The following USP33 variants were observed in gnomAD, a reference collection of about 807,000 sequenced individuals.
USP33 encodes the protein ubiquitin carboxyl-terminal hydrolase 33.
USP33 carries 46 observed loss-of-function variants against 124.2 expected under a neutral mutation model. The observed-to-expected ratio is 0.37, with a 90% CI of 0.29 to 0.47. The LOEUF (loss-of-function observed/expected upper bound fraction) is 0.47, where lower values mean the gene tolerates loss of function less well. Ranked by LOEUF, USP33 falls within the 20% of genes least tolerant of loss-of-function variation. The probability of loss-of-function intolerance (pLI) is 0.99; values close to 1 mark genes in which losing one functional copy is unlikely to be tolerated. For missense variants in USP33, 851 were observed against 1,070.6 expected (o/e 0.79, Z 2.86); for synonymous variants, 350 against 352.3 (o/e 0.99, Z 0.07).
At chr1:77,737,379 A>T (rs1304643226) in intron 5 of USP33, among the ~76,000 whole-genome samples, 1 of 152,262 alleles carries the variant, frequency 6.6e-6, no homozygotes, top group Non-Finnish European at 1.5e-5. Flanking sequence ...TTAAAAAGAT[A>T]CATGCTCACT....
chr1:77,711,722 A>C, intron 21 of USP33, 25 bp downstream of exon 21: 3 of 1,595,918 alleles, frequency 1.9e-6, no homozygotes, highest in Non-Finnish European at 2.6e-6. Context: ...ATCCTAGATC[A>C]ATTTGAAAAG....
At chr1:77,722,341 T>C in intron 12 of USP33, 145 bp from the exon 13 acceptor site, 1 of 762,422 alleles carries the variant, frequency 1.3e-6, no homozygotes, top group South Asian at 2.0e-5. Flanking sequence ...ATTGAACTGC[T>C]TTCATAGTCA....
At chr1:77,743,103 C>T (rs1167129026) in intron 1 of USP33, among the ~76,000 whole-genome samples, 4 of 151,902 alleles carry the variant, frequency 2.6e-5, no homozygotes, top group Non-Finnish European at 5.9e-5. Flanking sequence ...CCACCACACC[C>T]GACCACTTTT....
chr1:77,700,484 C>T (rs1673881664), intron 22 of USP33, among the ~76,000 whole-genome samples: 1 of 152,098 alleles, frequency 6.6e-6, no homozygotes, highest in African/African-American at 2.4e-5. Flanking sequence ...TAGTACATGC[C>T]TGTAGTCCCA....
chr1:77,715,105 C>G (rs992629509), intron 18 of USP33, among the ~76,000 whole-genome samples: 1 of 151,980 alleles, frequency 6.6e-6, no homozygotes, highest in Non-Finnish European at 1.5e-5. Flanking sequence ...TAAAAAAAAA[C>G]AAATATTTTT....
At chr1:77,752,804 G>A (rs947626286) in intron 1 of USP33, among the ~76,000 whole-genome samples, 6 of 152,126 alleles carry the variant, frequency 3.9e-5, no homozygotes, top group Admixed American at 2.0e-4. Context: ...TTGGCTGGGC[G>A]TGGTGGCTCA....
chr1:77,733,957 G>A (rs1185328459), intron 7 of USP33, among the ~76,000 whole-genome samples: 1 of 151,850 alleles, frequency 6.6e-6, no homozygotes. Flanking sequence ...AAAACCACCT[G>A]ACATATCTAT....
intron 1 of USP33, among the ~76,000 whole-genome samples, chr1:77,758,858 G>C (rs555708656): frequency 6.6e-6 from 1 of 152,236 alleles, no homozygotes; most frequent in African/African-American, 2.4e-5. Flanking sequence ...TTAAGTCTAT[G>C]CTCCTGCCAG....
At chr1:77,733,117 A>C (rs1443712264) in intron 7 of USP33, among the ~76,000 whole-genome samples, 3 of 151,916 alleles carry the variant, frequency 2.0e-5, no homozygotes, top group African/African-American at 7.2e-5. Flanking sequence ...TTAACGTCCG[A>C]GCACAGTGGC....
rs1309013853 is a variant in USP33 at position 77,722,150 on chromosome 1, G to A, written c.1436C>T (p.Pro479Leu). The A allele has an allele frequency of 1.9e-6, 3 of 1,613,784 alleles. No individual in the cohort carries two copies. Among genetic ancestry groups the A allele is most frequent in the East Asian group, 2.2e-5 (1 of 44,858 alleles). Residue 479 changes from proline (P) to leucine (L), a missense_variant, in exon 13 of 24, where the codon CCT becomes CTT. Transcript: ENST00000370794. ...ETFQDLSLPI[P>L]GKEDLAKLHS... ...CAGCTTAGCAAGGTCTTCCTTGCCA[G>A]GAATTGGCAAGGACAGATCTTGAAA...
At chr1:77,758,445 A>G (rs1444486799) in intron 1 of USP33, among the ~76,000 whole-genome samples, 2 of 152,132 alleles carry the variant, frequency 1.3e-5, no homozygotes, top group Non-Finnish European at 2.9e-5. Context: ...GAGTGCTGGG[A>G]TTACAGGCGT....
intron 21 of USP33, among the ~76,000 whole-genome samples, chr1:77,711,183 A>G (rs2101257333): frequency 1.3e-5 from 2 of 152,218 alleles, no homozygotes; most frequent in South Asian, 4.1e-4. Flanking sequence ...GATTTCTGCC[A>G]GTGCCAATAC....
At chr1:77,725,850 T>C (rs1677102544) in intron 10 of USP33, 88 bp from the exon 11 acceptor site, 4 of 1,216,262 alleles carry the variant, frequency 3.3e-6, no homozygotes, top group Non-Finnish European at 4.5e-6. Flanking sequence ...AATTTGATAT[T>C]TTGAACACAA....
At chr1:77,748,641 C>T (rs1679971825) in intron 1 of USP33, among the ~76,000 whole-genome samples, 1 of 151,452 alleles carries the variant, frequency 6.6e-6, no homozygotes, top group South Asian at 2.1e-4. Context: ...TGCACTCCAT[C>T]CTGGCGACAC....
intron 2 of USP33, 81 bp from the exon 3 acceptor site, chr1:77,741,510 A>G: frequency 6.5e-7 from 1 of 1,537,416 alleles, no homozygotes; most frequent in Non-Finnish European, 8.8e-7. Flanking sequence ...ATGACATCAT[A>G]CATATTTTTA....
Position 77,697,439 on chromosome 1 carries a change from T to A in USP33, c.2614A>T (p.Asn872Tyr). 6.2e-7 allele frequency: 1 copy of A among 1,605,254 alleles called. No individual in the cohort carries two copies. The highest frequency in any genetic ancestry group is 8.5e-7 in the Non-Finnish European group (1 of 1,178,020). The change falls in exon 24 of 24, where the codon AAT (asparagine) becomes TAT (tyrosine). Residue 872 changes from asparagine (N) to tyrosine (Y), a missense_variant. Physicochemically the swap from Asn to Tyr is moderately radical, Grantham distance 143 (BLOSUM62 -2). Transcript: ENST00000370794. The stretch of plus-strand genomic sequence containing the variant: ...CCACCATAAATAGACTGCAGAAAAT[T>A]CCATGTTTCTTCAGAAATCTGGCCA... ...DSGQISEETW[N>Y]FLQSIYGGGP...
chr1:77,728,985 G>A (rs568852372), intron 9 of USP33, among the ~76,000 whole-genome samples: 3 of 152,088 alleles, frequency 2.0e-5, no homozygotes, highest in African/African-American at 2.4e-5. Flanking sequence ...CTGTAGCCTC[G>A]ATCCCCCAGG....
chr1:77,728,280 C>T lies in USP33; in HGVS notation c.1135+15G>A. On this transcript the variant is annotated intron_variant, in intron 10 of 23. Coordinates refer to ENST00000370794, the MANE Select transcript of USP33 (RefSeq NM_201624.3). ...AAATACTATCATTTTCATGAACAAA[C>T]TACTAAATTGTCACCTGAAGCTCTG... 5.2e-6 allele frequency: 8 copies of T among 1,548,990 alleles called. No homozygotes were observed. Among genetic ancestry groups the T allele is most frequent in the South Asian group, 1.3e-5 (1 of 79,206 alleles).
At chr1:77,754,611 C>T (rs1384965760) in intron 1 of USP33, among the ~76,000 whole-genome samples, 2 of 152,168 alleles carry the variant, frequency 1.3e-5, no homozygotes, top group Admixed American at 6.5e-5. Flanking sequence ...CCCACAAAGT[C>T]CTATAATACT....
Sources: allele counts gnomAD v4.1 joint callset (sites outside exome capture counted in the v4.1 genomes callset), GRCh38; gene constraint gnomAD v4.1.1; transcripts MANE v1.5; gene names NCBI Gene and HGNC (gene_info 2026-07-23, HGNC 2026-07-21).